The following C19orf44 variants were observed in gnomAD, a reference collection of about 807,000 sequenced individuals.
The protein encoded by C19orf44 is uncharacterized protein C19orf44.
In C19orf44, 43 loss-of-function variants were observed where a neutral mutation model predicts 50.7. The observed-to-expected ratio is 0.85, with a 90% CI of 0.66 to 1.09. The LOEUF (loss-of-function observed/expected upper bound fraction) is 1.09, where lower values mean the gene tolerates loss of function less well. Ranked by LOEUF, C19orf44 falls within the 50% of genes least tolerant of loss-of-function variation. The pLI, the probability that C19orf44 is intolerant of heterozygous loss-of-function variation, is 0.00. For synonymous variants in C19orf44, 298 were observed against 334.7 expected (o/e 0.89, Z 1.20); for missense variants, 722 against 836.2 (o/e 0.86, Z 1.68).
rs2085591393 is a variant in C19orf44 at position 16,519,825 on chromosome 19, G to A, written c.*41-269G>A. ...TTGCGTGCATGCTCACTGTCACCAG[G>A]TGACACCGTATGCAGATTTTGCGTC... On this transcript the variant is annotated intron_variant, in intron 8 of 8. Coordinates refer to ENST00000221671, the MANE Select transcript of C19orf44 (RefSeq NM_032207.4). The surrounding 1 kb of genome is among the most constrained non-coding windows in gnomAD (Gnocchi z 6.0). 2.1e-6 allele frequency: 2 copies of A among 957,562 alleles called. No homozygotes were observed. The highest frequency in any genetic ancestry group is 2.7e-5 in the South Asian group (2 of 75,004). 59.3% of individuals were successfully genotyped at this position (957,562 alleles called of 1,614,324 possible). A position where few individuals can be genotyped will look rare whatever the true frequency, so the allele number is the denominator to read the frequency against.
chr19:16,510,717 C>A (rs765790858), intron 5 of C19orf44, among the ~76,000 whole-genome samples: 1 of 152,018 alleles, frequency 6.6e-6, no homozygotes, highest in East Asian at 1.9e-4. Context: ...GGGTGACTTT[C>A]CAGATATTTC....
In C19orf44 at chr19:16,509,924, A is replaced by G. The variant is rs749637051; in HGVS notation, c.1575A>G (p.Arg525=). The G allele has an allele frequency of 6.2e-7, 1 of 1,614,242 alleles. No homozygotes were observed. The highest frequency in any genetic ancestry group is 1.7e-5 in the Admixed American group (1 of 60,030). Reference sequence around the variant, plus strand: ...AAAAGTCGGGCAGGCACGTGACAAGAGTGCTTGTGAAGGACACAGCTGTGC... The same window carrying G: ...AAAAGTCGGGCAGGCACGTGACAAGGGTGCTTGTGAAGGACACAGCTGTGC... ...SRKKSGRHVT[R]VLVKDTAVQT... The change falls in exon 5 of 9, where the codon AGA becomes AGG. Residue 525 remains arginine, a synonymous_variant. Transcript: ENST00000221671.
chr19:16,507,566 A>G (rs1037668922), intron 4 of C19orf44, among the ~76,000 whole-genome samples: 5 of 145,460 alleles, frequency 3.4e-5, no homozygotes, highest in African/African-American at 1.3e-4. Context: ...ATCTCGGCTC[A>G]CTGCAACCTC....
At chr19:16,510,639 G>A (rs938009171) in intron 5 of C19orf44, among the ~76,000 whole-genome samples, 2 of 152,134 alleles carry the variant, frequency 1.3e-5, no homozygotes, top group African/African-American at 4.8e-5. Context: ...CTGCTGGGTG[G>A]AGGCCAGGGG....
intron 6 of C19orf44, among the ~76,000 whole-genome samples, chr19:16,513,568 C>T (rs1289287909): frequency 1.3e-5 from 2 of 151,970 alleles, no homozygotes; most frequent in Non-Finnish European, 2.9e-5. Context: ...ATTTTTAGTA[C>T]AGACAGGGTT....
At chr19:16,498,610 G>C (rs2093416293) in intron 1 of C19orf44, among the ~76,000 whole-genome samples, 2 of 151,724 alleles carry the variant, frequency 1.3e-5, no homozygotes, top group Admixed American at 1.3e-4. Context: ...ACTGACACTT[G>C]TTACGTGTAT....
In C19orf44 at chr19:16,520,931, C is replaced by T. The variant is rs889970041; in HGVS notation, c.*878C>T. The T allele has an allele frequency of 2.2e-5, 35 of 1,607,434 alleles. No individual in the cohort carries two copies. The highest frequency in any genetic ancestry group is 2.9e-5 in the Non-Finnish European group (34 of 1,174,776). ...GCCTTCACTGTAAGACACGGCATTC[C>T]GTGTGTGACCACGTGACACCCACCC... is the stretch of plus-strand genomic sequence containing the variant. On this transcript the variant is annotated 3_prime_UTR_variant, in exon 9 of 9. Coordinates refer to ENST00000221671, the MANE Select transcript of C19orf44 (RefSeq NM_032207.4). The surrounding 1 kb of genome is among the most constrained non-coding windows in gnomAD (Gnocchi z 4.0).
chr19:16,519,511 G>A lies in C19orf44; in HGVS notation c.*41-583G>A. On this transcript the variant is annotated intron_variant, in intron 8 of 8. Coordinates refer to ENST00000221671, the MANE Select transcript of C19orf44 (RefSeq NM_032207.4). This position sits in a 1 kb window ranked among gnomAD's most constrained non-coding sequence, Gnocchi z 6.0. ...GAGGGTCTGGGTGGAGTCAGAACCG[G>A]CCTGACTCCATCCATCCCCACATGC... 7.9e-7 allele frequency: 1 copy of A among 1,261,082 alleles called. No homozygotes were observed. Among genetic ancestry groups the A allele is most frequent in the Middle Eastern group, 2.6e-4 (1 of 3,792 alleles). 78.1% of individuals were successfully genotyped at this position (1,261,082 alleles called of 1,614,324 possible).
chr19:16,501,912 A>AC (rs2093426625), intron 2 of C19orf44, among the ~76,000 whole-genome samples: 1 of 116,318 alleles, frequency 8.6e-6, no homozygotes, highest in Non-Finnish European at 1.9e-5. Flanking sequence ...ACTTTTTTGT[A>AC]TTTTTTTTTT....
Position 16,519,594 on chromosome 19 carries a change from C to A in C19orf44, c.*41-500C>A. 2 of 1,584,220 alleles carry A rather than the reference C, an allele frequency of 1.3e-6. No homozygotes were observed. The highest frequency in any genetic ancestry group is 1.1e-5 in the South Asian group (1 of 90,442). On this transcript the variant is annotated intron_variant, in intron 8 of 8. Transcript: ENST00000221671. The surrounding 1 kb of genome is among the most constrained non-coding windows in gnomAD (Gnocchi z 6.0). ...GCCCAGCACGCGTGAGGACCCATCCCGCGCCCTCCCCATTCCCTCGCCTTA... is the reference window on the plus strand; with the variant it reads ...GCCCAGCACGCGTGAGGACCCATCCAGCGCCCTCCCCATTCCCTCGCCTTA...
chr19:16,509,774 T>C lies in C19orf44; in HGVS notation c.1425T>C (p.Ser475=). The C allele has an allele frequency of 6.2e-7, 1 of 1,614,226 alleles. No individual in the cohort carries two copies. Among genetic ancestry groups the C allele is most frequent in the East Asian group, 2.2e-5 (1 of 44,884 alleles). The part of the protein sequence containing the change: ...SSAYSEDFEN[S]PSLTASEPTA... ...CTTATTCGGAGGATTTTGAAAACTCTCCAAGTCTGACAGCATCTGAGCCAA... is the reference window on the plus strand; with the variant it reads ...CTTATTCGGAGGATTTTGAAAACTCCCCAAGTCTGACAGCATCTGAGCCAA... Residue 475 remains serine, a synonymous_variant, in exon 5 of 9, where the codon TCT becomes TCC. Coordinates refer to ENST00000221671, the MANE Select transcript of C19orf44 (RefSeq NM_032207.4).
At chr19:16,513,253 G>T in intron 6 of C19orf44, 144 bp downstream of exon 6, 1 of 758,888 alleles carries the variant, frequency 1.3e-6, no homozygotes, top group African/African-American at 1.7e-5. Context: ...GCAGCCACAG[G>T]CACCTGCCAT....
Position 16,506,518 on chromosome 19 carries a change from G to C in C19orf44, c.1076-183G>C, listed in dbSNP as rs552339775. ...TGAGGTGAGAGAATCACTTGAACTT[G>C]GGAGGCAGAAGTTGTGGTGAGCCAA... On this transcript the variant is annotated intron_variant, in intron 3 of 8. Transcript: ENST00000221671. 2.4e-4 allele frequency among the ~76,000 whole-genome samples: 37 copies of C among 152,052 alleles called. No individual in the cohort carries two copies. In the South Asian group the frequency reaches 7.7e-3, roughly 32 times the overall value.
rs1215999594 is a variant in C19orf44 at position 16,509,588 on chromosome 19, G to A, written c.1239G>A (p.Ala413=). The change falls in exon 5 of 9, where the codon GCG becomes GCA. Residue 413 remains alanine (A), a synonymous_variant. Transcript: ENST00000221671. Reference sequence around the variant, plus strand: ...AGGATGCCCCGAGGCAGGCCCAGGCGAGGAGCTGGGCATCACAGGGAAAGG... The same window carrying A: ...AGGATGCCCCGAGGCAGGCCCAGGCAAGGAGCTGGGCATCACAGGGAAAGG... The part of the protein sequence containing the change: ...TGQDAPRQAQ[A]RSWASQGKAA... The A allele has an allele frequency of 5.0e-6, 8 of 1,614,010 alleles. No individual in the cohort carries two copies. The highest frequency in any genetic ancestry group is 2.2e-5 in the East Asian group (1 of 44,878).
chr19:16,503,200 CCA>C lies in C19orf44; in HGVS notation c.898_899del (p.Gln300GlufsTer6), dbSNP rs765839783. On this transcript the variant is annotated frameshift_variant, in exon 3 of 9. Transcript: ENST00000221671. LOFTEE classifies it high-confidence loss of function. ...LHSTRSRADY[P>X]QSHVSSDTAS... ...CAGCACTCGCTCAAGAGCAGACTAC[CCA>C]CAGAGTCACGTTTCCAGTGACACCG... is the stretch of plus-strand genomic sequence containing the variant. 6.2e-7 allele frequency: 1 copy of C among 1,614,120 alleles called. No individual in the cohort carries two copies. Among genetic ancestry groups the C allele is most frequent in the Non-Finnish European group, 8.5e-7 (1 of 1,180,030 alleles).
rs45624033 is a variant in C19orf44 at position 16,519,802 on chromosome 19, G to A, written c.*41-292G>A. On this transcript the variant is annotated intron_variant, in intron 8 of 8. Transcript: ENST00000221671. The surrounding 1 kb of genome is among the most constrained non-coding windows in gnomAD (Gnocchi z 6.0). ...GATGAGGACCTCACAGCCGCAGCTT[G>A]CGTGCATGCTCACTGTCACCAGGTG... The A allele has an allele frequency of 0.04, 45,788 of 1,139,914 alleles. 1,068 individuals carry two copies. The highest frequency in any genetic ancestry group is 0.05 in the Non-Finnish European group (37,414 of 749,950). The allele number at this position is 1,139,914 out of a possible 1,614,324, so 70.6% of individuals were successfully genotyped here. A position where few individuals can be genotyped will look rare whatever the true frequency, so the allele number is the denominator to read the frequency against.
chr19:16,512,504 G>A (rs1245748455), intron 5 of C19orf44, among the ~76,000 whole-genome samples: 3 of 152,160 alleles, frequency 2.0e-5, no homozygotes, highest in South Asian at 2.1e-4. Context: ...TAGGATACCC[G>A]TGCCTTGAGC....
intron 8 of C19orf44, chr19:16,518,449 AG>A (rs754133830): frequency 5.3e-5 from 8 of 152,190 alleles, no homozygotes; most frequent in Non-Finnish European, 7.3e-5. Flanking sequence ...GCTACATTCC[AG>A]AAAAAAAATA....
chr19:16,514,410 A>T, intron 6 of C19orf44, 87 bp from the exon 7 acceptor site: 1 of 1,286,768 alleles, frequency 7.8e-7, no homozygotes, highest in African/African-American at 1.5e-5. Context: ...GATTTCAGAG[A>T]GCAGCCTGGC....
Sources: allele counts gnomAD v4.1 joint callset (sites outside exome capture counted in the v4.1 genomes callset), GRCh38; gene constraint gnomAD v4.1.1; non-coding constraint Gnocchi (gnomAD v3.1); transcripts MANE v1.5; gene names NCBI Gene and HGNC (gene_info 2026-07-23, HGNC 2026-07-21).